The following GOLM2 variants were observed in gnomAD, a reference collection of about 807,000 sequenced individuals.
GOLM2 encodes the protein golgi membrane protein 2, also known as protein GOLM2.
Under a neutral mutation model 55.9 loss-of-function variants are expected in GOLM2, and 26 were observed. The observed-to-expected ratio is 0.47, with a 90% confidence interval of 0.34 to 0.65. The LOEUF (loss-of-function observed/expected upper bound fraction) is 0.65, where lower values mean the gene tolerates loss of function less well. Among genes scored for constraint, GOLM2 ranks in the 30% least tolerant of loss-of-function variants. The pLI, the probability that GOLM2 is intolerant of heterozygous loss-of-function variation, is 0.01. For synonymous variants in GOLM2, 165 were observed against 194.6 expected, an observed-to-expected ratio of 0.85 and a Z score of 1.27; for missense variants, 486 against 531.8, an observed-to-expected ratio of 0.91 and a Z score of 0.85.
intron 6 of GOLM2, among the ~76,000 whole-genome samples, chr15:44,361,885 C>A (rs2079242844): frequency 6.6e-6 from 1 of 151,772 alleles, no homozygotes; most frequent in Non-Finnish European, 1.5e-5. Context: ...AAGGCTGGTT[C>A]AATATACGCA....
At chr15:44,357,683 G>A (rs1298925941) in intron 6 of GOLM2, among the ~76,000 whole-genome samples, 1 of 152,182 alleles carries the variant, frequency 6.6e-6, no homozygotes, top group Non-Finnish European at 1.5e-5. Flanking sequence ...CCTGGAACTA[G>A]TAAGTGATTA....
intron 1 of GOLM2, among the ~76,000 whole-genome samples, chr15:44,310,714 A>G (rs1048696447): frequency 2.0e-5 from 3 of 149,888 alleles, no homozygotes; most frequent in Admixed American, 6.6e-5. Flanking sequence ...CAATCAATCA[A>G]TCAGTCAATT....
chr15:44,380,932 A>G lies in GOLM2; in HGVS notation c.1028A>G (p.Gln343Arg). 6.3e-7 allele frequency: 1 copy of G among 1,598,156 alleles called. No homozygotes were observed. Among genetic ancestry groups the G allele is most frequent in the Non-Finnish European group, 8.5e-7 (1 of 1,172,182 alleles). ...EPRIQTDILK[Q>R]ATKDRVSDFH... The stretch of plus-strand genomic sequence containing the variant: ...AGAATTCAAACAGATATACTAAAGC[A>G]GGCTACCAAGGACAGAGTCAGTGAT... Residue 343 changes from glutamine (Q) to arginine (R), a missense_variant, in exon 8 of 10, where the codon CAG becomes CGG. Gln to Arg is a conservative substitution (Grantham distance 43). Coordinates refer to ENST00000299957, the MANE Select transcript of GOLM2 (RefSeq NM_138423.4).
intron 6 of GOLM2, among the ~76,000 whole-genome samples, chr15:44,342,943 TA>T (rs1487435761): frequency 6.6e-6 from 1 of 152,218 alleles, no homozygotes; most frequent in African/African-American, 2.4e-5. Flanking sequence ...ATATGTAAAA[TA>T]GAATAATAAC....
At chr15:44,354,198 A>G (rs1295378073) in intron 6 of GOLM2, among the ~76,000 whole-genome samples, 2 of 151,834 alleles carry the variant, frequency 1.3e-5, no homozygotes, top group Non-Finnish European at 2.9e-5. Context: ...ATTCTTCTCA[A>G]GCTGTCACAG....
intron 6 of GOLM2, among the ~76,000 whole-genome samples, chr15:44,345,195 C>T (rs549755844): frequency 2.6e-5 from 4 of 151,536 alleles, no homozygotes; most frequent in African/African-American, 9.7e-5. Flanking sequence ...CTGCAACTGC[C>T]GCCTCCCAGG....
intron 9 of GOLM2, among the ~76,000 whole-genome samples, chr15:44,408,004 C>A (rs1028489029): frequency 5.3e-5 from 8 of 152,108 alleles, no homozygotes; most frequent in Admixed American, 3.9e-4. Context: ...CCCGCCTCAG[C>A]CTCCCAAAGT....
At chr15:44,357,845 T>G (rs1182291007) in intron 6 of GOLM2, among the ~76,000 whole-genome samples, 1 of 152,128 alleles carries the variant, frequency 6.6e-6, no homozygotes, top group Non-Finnish European at 1.5e-5. Context: ...TTTAATAAAA[T>G]GTGTGAAAGG....
intron 6 of GOLM2, among the ~76,000 whole-genome samples, chr15:44,359,940 T>A (rs2079225445): frequency 6.6e-6 from 1 of 151,812 alleles, no homozygotes; most frequent in Admixed American, 6.6e-5. Flanking sequence ...GAATTTCATA[T>A]CCAGCCAAAC....
chr15:44,368,087 G>T (rs2079298475), intron 6 of GOLM2, among the ~76,000 whole-genome samples: 1 of 151,796 alleles, frequency 6.6e-6, no homozygotes, highest in Non-Finnish European at 1.5e-5. Flanking sequence ...ATTTTACAAT[G>T]CTATCTTTTT....
chr15:44,378,283 C>G (rs2079377913), intron 6 of GOLM2, among the ~76,000 whole-genome samples: 1 of 150,920 alleles, frequency 6.6e-6, no homozygotes, highest in Non-Finnish European at 1.5e-5. Flanking sequence ...TTTCGATTTC[C>G]TGACCTCGTG....
Position 44,297,719 on chromosome 15 carries a change from G to A in GOLM2, c.327+8363G>A, listed in dbSNP as rs143502568. On this transcript the variant is annotated intron_variant, in intron 1 of 9. Coordinates refer to ENST00000299957, the MANE Select transcript of GOLM2 (RefSeq NM_138423.4). ...TAGGACTACAGGCACCCGCCACCAGGCCCAGCTAAATTTTTTGTATTTTGA... is the reference window on the plus strand; with the variant it reads ...TAGGACTACAGGCACCCGCCACCAGACCCAGCTAAATTTTTTGTATTTTGA... 7.9e-3 allele frequency among the ~76,000 whole-genome samples: 1,197 copies of A among 150,752 alleles called. 13 individuals carry two copies. Among genetic ancestry groups the A allele is most frequent in the African/African-American group, 0.028 (1,138 of 41,006 alleles).
Position 44,289,310 on chromosome 15 carries a change from G to T in GOLM2, c.281G>T (p.Arg94Leu). 1 of 1,613,698 alleles carries T rather than the reference G, an allele frequency of 6.2e-7. No individual in the cohort carries two copies. Among genetic ancestry groups the T allele is most frequent in the African/African-American group, 1.3e-5 (1 of 75,056 alleles). The change falls in exon 1 of 10, where the codon CGG becomes CTG. Residue 94 changes from arginine to leucine, a missense_variant. Coordinates refer to ENST00000299957, the MANE Select transcript of GOLM2 (RefSeq NM_138423.4). The surrounding 1 kb of genome is among the most constrained non-coding windows in gnomAD (Gnocchi z 4.8). ...GCCGACTACGGCCGCCTCAGCAGCC[G>T]GCTGCAGGCCAGAGAGGGCCTCGGG... ...KEADYGRLSS[R>L]LQAREGLGKR...
chr15:44,349,862 A>G (rs548192952), intron 6 of GOLM2, among the ~76,000 whole-genome samples: 87 of 152,332 alleles, frequency 5.7e-4, no homozygotes, highest in Non-Finnish European at 1.1e-3. Context: ...ATACAAACAC[A>G]TGGAAATTAA....
chr15:44,304,467 C>T (rs914115039), intron 1 of GOLM2, among the ~76,000 whole-genome samples: 3 of 151,966 alleles, frequency 2.0e-5, no homozygotes, highest in East Asian at 1.9e-4. Flanking sequence ...GTCTCAAACT[C>T]CTGACCTCAA....
chr15:44,333,700 A>G (rs868763518), intron 4 of GOLM2, among the ~76,000 whole-genome samples: 2 of 151,916 alleles, frequency 1.3e-5, no homozygotes, highest in Non-Finnish European at 2.9e-5. Flanking sequence ...AAATAATGGG[A>G]TAAGTTTGCT....
At chr15:44,412,681 T>C (rs2079646229) in intron 9 of GOLM2, among the ~76,000 whole-genome samples, 1 of 152,148 alleles carries the variant, frequency 6.6e-6, no homozygotes, top group African/African-American at 2.4e-5. Context: ...AGCTTTAATT[T>C]AAAGGACTAA....
At chr15:44,292,815 TTG>T (rs1238821079) in intron 1 of GOLM2, among the ~76,000 whole-genome samples, 1 of 152,130 alleles carries the variant, frequency 6.6e-6, no homozygotes, top group African/African-American at 2.4e-5. Flanking sequence ...TTTATTGTTA[TTG>T]TTGTTTGTTT....
At chr15:44,402,782 A>G in intron 8 of GOLM2, 105 bp from the exon 9 acceptor site, 1 of 1,101,350 alleles carries the variant, frequency 9.1e-7, no homozygotes. Context: ...CCAGTACCCC[A>G]AAAGTTGCCA....
Sources: allele counts gnomAD v4.1 joint callset (sites outside exome capture counted in the v4.1 genomes callset), GRCh38; gene constraint gnomAD v4.1.1; non-coding constraint Gnocchi (gnomAD v3.1); transcripts MANE v1.5; gene names NCBI Gene and HGNC (gene_info 2026-07-23, HGNC 2026-07-21).